The following KDM1A variants were observed in gnomAD, a reference collection of about 807,000 sequenced individuals.
The protein encoded by KDM1A is lysine demethylase 1A.
KDM1A carries 49 observed loss-of-function variants against 109.4 expected under a neutral mutation model. That is an observed-to-expected ratio of 0.45 (90% CI 0.36 to 0.57). The LOEUF (loss-of-function observed/expected upper bound fraction) is 0.57, where lower values mean the gene tolerates loss of function less well. KDM1A is among the 20% of genes least tolerant of loss of function. The pLI is 0.00. For missense variants in KDM1A, 668 were observed against 1,116.6 expected (o/e 0.60, Z 5.73); for synonymous variants, 380 against 415.4 (o/e 0.91, Z 1.04).
intron 2 of KDM1A, among the ~76,000 whole-genome samples, 179 bp downstream of exon 2, chr1:23,030,813 A>T (rs1194205439): frequency 6.6e-6 from 1 of 152,024 alleles, no homozygotes; most frequent in Admixed American, 6.5e-5. Flanking sequence ...ATATGTGTGT[A>T]TGTATACACA....
chr1:23,057,671 C>A, intron 8 of KDM1A, 106 bp downstream of exon 8: 2 of 811,854 alleles, frequency 2.5e-6, no homozygotes, highest in Non-Finnish European at 4.1e-6. Flanking sequence ...GAATAGTCAT[C>A]TTCCGTTTAG....
intron 2 of KDM1A, among the ~76,000 whole-genome samples, chr1:23,041,896 A>G (rs754229154): frequency 3.9e-5 from 6 of 152,184 alleles, no homozygotes; most frequent in South Asian, 2.1e-4. Flanking sequence ...AAACCAGAAG[A>G]CAAAAAAGAC....
chr1:23,081,765 A>T, intron 19 of KDM1A, 192 bp downstream of exon 19: 1 of 593,110 alleles, frequency 1.7e-6, no homozygotes, highest in Non-Finnish European at 2.8e-6. Context: ...AGAGCTGGGG[A>T]GTCTGAAGGC....
chr1:23,020,009 C>T (rs1641571229), intron 1 of KDM1A, 62 bp downstream of exon 1: 1 of 1,388,158 alleles, frequency 7.2e-7, no homozygotes, highest in East Asian at 3.1e-5. Flanking sequence ...GAGGCTTCTC[C>T]GCCCTCCCCC....
intron 2 of KDM1A, among the ~76,000 whole-genome samples, chr1:23,033,712 A>G (rs1269633047): frequency 6.6e-6 from 1 of 152,242 alleles, no homozygotes; most frequent in Non-Finnish European, 1.5e-5. Context: ...TTGACTGAAT[A>G]AGGTTCCTCT....
intron 9 of KDM1A, among the ~76,000 whole-genome samples, chr1:23,060,462 A>G (rs1642967455): frequency 6.6e-6 from 1 of 152,170 alleles, no homozygotes; most frequent in Non-Finnish European, 1.5e-5. Context: ...CCATAAATAT[A>G]TTAATACCAG....
intron 16 of KDM1A, 86 bp from the exon 17 acceptor site, chr1:23,078,904 T>G: frequency 8.9e-7 from 1 of 1,121,382 alleles, no homozygotes; most frequent in Non-Finnish European, 1.3e-6. Flanking sequence ...GAGAAATGGA[T>G]GTCCATCTGT....
At chr1:23,030,384 T>G in intron 1 of KDM1A, 85 bp from the exon 2 acceptor site, 1 of 1,067,600 alleles carries the variant, frequency 9.4e-7, no homozygotes, top group Non-Finnish European at 1.3e-6. Context: ...AGGTTAACAA[T>G]TTACATTGAC....
intron 9 of KDM1A, among the ~76,000 whole-genome samples, chr1:23,061,594 C>G (rs1399583875): frequency 6.6e-6 from 1 of 151,650 alleles, no homozygotes; most frequent in Admixed American, 6.6e-5. Context: ...GCTAATATTT[C>G]TGTACTGCTG....
At chr1:23,040,205 T>C (rs72875357) in intron 2 of KDM1A, among the ~76,000 whole-genome samples, 1,924 of 152,334 alleles carry the variant, frequency 0.013, 55 homozygotes, top group African/African-American at 0.044. Context: ...AATGTGAATC[T>C]GTGTTTCTGG....
At chr1:23,064,209 A>G (rs1404367892) in intron 9 of KDM1A, among the ~76,000 whole-genome samples, 1 of 152,162 alleles carries the variant, frequency 6.6e-6, no homozygotes, top group African/African-American at 2.4e-5. Flanking sequence ...ATTGAATTTT[A>G]TTTGGATTAA....
chr1:23,042,799 A>G (rs1013435405), intron 2 of KDM1A, among the ~76,000 whole-genome samples: 1 of 150,890 alleles, frequency 6.6e-6, no homozygotes, highest in Admixed American at 6.6e-5. Flanking sequence ...CCCAGGCTGG[A>G]GTGCGATGGT....
chr1:23,079,584 A>ATCCAAGTG lies in KDM1A; in HGVS notation c.2090_2097dup (p.Asn700GlnfsTer34). The ATCCAAGTG allele has an allele frequency of 6.2e-7, 1 of 1,613,902 alleles. No homozygotes were observed. Among genetic ancestry groups the ATCCAAGTG allele is most frequent in the Non-Finnish European group, 8.5e-7 (1 of 1,179,930 alleles). Reference sequence around the variant, plus strand: ...TTGTGTTTTGATCGGGTGTTCTGGGATCCAAGTGTCAATTTGTTCGGGCAT... The same window carrying ATCCAAGTG: ...TTGTGTTTTGATCGGGTGTTCTGGGATCCAAGTGTCCAAGTGTCAATTTGTTCGGGCAT... On this transcript the variant is annotated frameshift_variant, in exon 18 of 21. Coordinates refer to ENST00000400181, the MANE Select transcript of KDM1A (RefSeq NM_001009999.3). LOFTEE classifies it high-confidence loss of function. The surrounding 1 kb of genome is among the most constrained non-coding windows in gnomAD (Gnocchi z 5.6).
In KDM1A at chr1:23,082,582, A is replaced by C. The variant is rs966299993; in HGVS notation, c.2445+216A>C. 6 of 430,438 alleles carry C rather than the reference A, an allele frequency of 1.4e-5. No homozygotes were observed. The Admixed American group carries it at 1.9e-4, about 14-fold the overall frequency. The allele number at this position is 430,438 out of a possible 1,614,324, so 26.7% of individuals were successfully genotyped here. A position where few individuals can be genotyped will look rare whatever the true frequency, so the allele number is the denominator to read the frequency against. On this transcript the variant is annotated intron_variant, in intron 20 of 20. Coordinates refer to ENST00000400181, the MANE Select transcript of KDM1A (RefSeq NM_001009999.3). The stretch of plus-strand genomic sequence containing the variant: ...CTACATTCAGAATGGAGGAGTCCAG[A>C]GTATAAGTCAAATAACATTTTTCCT...
At chr1:23,068,750 G>A in intron 11 of KDM1A, 69 bp downstream of exon 11, 2 of 1,325,382 alleles carry the variant, frequency 1.5e-6, no homozygotes, top group Non-Finnish European at 2.0e-6. Context: ...TATGTTTTAA[G>A]TTTTTCTGCA....
chr1:23,072,198 G>T lies in KDM1A; in HGVS notation c.1622+1G>T. 1 of 1,607,170 alleles carries T rather than the reference G, an allele frequency of 6.2e-7. No homozygotes were observed. Among genetic ancestry groups the T allele is most frequent in the Non-Finnish European group, 8.5e-7 (1 of 1,175,444 alleles). On this transcript the variant is annotated splice_donor_variant, in intron 14 of 20. Coordinates refer to ENST00000400181, the MANE Select transcript of KDM1A (RefSeq NM_001009999.3). LOFTEE classifies it high-confidence loss of function. ...AGGAGTTGGAAGCGAATCCCCCAAG[G>T]TAAGGAAAACAAACACAAAAGTTCA...
At chr1:23,071,874 A>G (rs1050445268) in intron 13 of KDM1A, among the ~76,000 whole-genome samples, 3 of 152,270 alleles carry the variant, frequency 2.0e-5, no homozygotes, top group Non-Finnish European at 2.9e-5. Flanking sequence ...GCAGCACACT[A>G]GTATGTTTCT....
At chr1:23,040,759 C>T (rs1642290591) in intron 2 of KDM1A, among the ~76,000 whole-genome samples, 1 of 152,000 alleles carries the variant, frequency 6.6e-6, no homozygotes, top group South Asian at 2.1e-4. Flanking sequence ...CTGTACTCCA[C>T]CCTGGGCGAC....
chr1:23,049,041 A>G (rs527344247), intron 3 of KDM1A, among the ~76,000 whole-genome samples: 11 of 150,682 alleles, frequency 7.3e-5, no homozygotes, highest in African/African-American at 2.7e-4. Context: ...AGTCCCAGCT[A>G]CTTGGGAGGC....
Sources: gnomAD v4.1 joint callset for allele counts (sites outside exome capture counted in the v4.1 genomes callset) on GRCh38, gnomAD v4.1.1 for gene constraint, Gnocchi (gnomAD v3.1) non-coding constraint, MANE v1.5 for transcripts, NCBI Gene and HGNC (gene_info 2026-07-23, HGNC 2026-07-21) for gene names.